Variants in KSR2 observed in about 807,000 individuals in gnomAD.
The protein encoded by KSR2 is kinase suppressor of ras 2.
Under a neutral mutation model 107.8 loss-of-function variants are expected in KSR2, and 25 were observed. That is an observed-to-expected ratio of 0.23 (90% CI 0.17 to 0.32). The LOEUF (loss-of-function observed/expected upper bound fraction) is 0.32. Ranked by LOEUF, KSR2 falls within the 10% of genes least tolerant of loss-of-function variation. The pLI, the probability that KSR2 is intolerant of heterozygous loss-of-function variation, is 1.00. For synonymous variants in KSR2, 480 were observed against 507.0 expected (o/e 0.95, Z 0.71); for missense variants, 887 against 1,268.9 (o/e 0.70, Z 4.57).
At chr12:117,657,014 A>ATC (rs1884213050) in intron 5 of KSR2, among the ~76,000 whole-genome samples, 1 of 114,374 alleles carries the variant, frequency 8.7e-6, no homozygotes, top group Non-Finnish European at 1.8e-5. Context: ...ATATATATAT[A>ATC]TCCTATTAGT....
chr12:117,909,728 C>A lies in KSR2; in HGVS notation c.181-49297G>T, dbSNP rs560300652. ...GACCAGCCTGGCCAACATGGTGGAA[C>A]CCCATCTCTACTAAAAATACAAAAA... On this transcript the variant is annotated intron_variant, in intron 1 of 19. Coordinates refer to ENST00000339824, the MANE Select transcript of KSR2 (RefSeq NM_173598.6). Among the ~76,000 whole-genome samples, 404 of 146,822 alleles carry A rather than the reference C, an allele frequency of 2.8e-3. 1 individual carries two copies. The highest frequency in any genetic ancestry group is 4.8e-3 in the Non-Finnish European group (322 of 67,526).
intron 3 of KSR2, among the ~76,000 whole-genome samples, chr12:117,772,643 CACAT>C (rs1445332663): frequency 6.7e-5 from 10 of 149,990 alleles, no homozygotes; most frequent in South Asian, 4.3e-4. Flanking sequence ...CGCACACACA[CACAT>C]ACACACCATT....
intron 5 of KSR2, among the ~76,000 whole-genome samples, chr12:117,663,372 G>C (rs776414855): frequency 7.2e-5 from 11 of 152,184 alleles, no homozygotes; most frequent in Non-Finnish European, 1.5e-4. Flanking sequence ...ACCTTATAGA[G>C]GATGATGGAG....
chr12:117,548,981 T>A (rs78786944), intron 9 of KSR2, among the ~76,000 whole-genome samples: 379 of 152,296 alleles, frequency 2.5e-3, no homozygotes, highest in Non-Finnish European at 3.8e-3. Context: ...TGAGCCCCAG[T>A]AGAAGGCAGG....
At position 117,812,590 on chromosome 12, in the gene KSR2, C is replaced by G. The variant is rs59609368; in HGVS notation, c.472+42838G>C. ...CTCCATTTCCCAGCATCATCATTTG[C>G]TAGCTAAGAAGAGTCCCCTCTACAA... On this transcript the variant is annotated intron_variant, in intron 3 of 19. Coordinates refer to ENST00000339824, the MANE Select transcript of KSR2 (RefSeq NM_173598.6). 6.4e-3 allele frequency among the ~76,000 whole-genome samples: 971 copies of G among 152,014 alleles called. 21 individuals are homozygous for G. The highest frequency in any genetic ancestry group is 0.022 in the African/African-American group (909 of 41,416).
chr12:117,801,207 C>T (rs543398435), intron 3 of KSR2, among the ~76,000 whole-genome samples: 1 of 152,220 alleles, frequency 6.6e-6, no homozygotes, highest in Admixed American at 6.5e-5. Flanking sequence ...ACCTCCACCT[C>T]CTGGATTCAG....
At chr12:117,756,609 G>T (rs1198902628) in intron 4 of KSR2, among the ~76,000 whole-genome samples, 4 of 152,216 alleles carry the variant, frequency 2.6e-5, no homozygotes, top group Non-Finnish European at 4.4e-5. Flanking sequence ...CAGATTATGT[G>T]ATTTTCATCC....
intron 1 of KSR2, among the ~76,000 whole-genome samples, chr12:117,920,002 C>T (rs1399825847): frequency 6.6e-6 from 1 of 152,156 alleles, no homozygotes; most frequent in African/African-American, 2.4e-5. Flanking sequence ...CAATTATAAA[C>T]ATATATGTAC....
At chr12:117,479,270 T>C (rs1592911782) in intron 16 of KSR2, among the ~76,000 whole-genome samples, 1 of 152,294 alleles carries the variant, frequency 6.6e-6, no homozygotes, top group Admixed American at 6.5e-5. Flanking sequence ...CTTAATTGCA[T>C]TTGGATGGTG....
At chr12:117,492,803 A>G (rs1313073997) in intron 14 of KSR2, among the ~76,000 whole-genome samples, 1 of 152,140 alleles carries the variant, frequency 6.6e-6, no homozygotes, top group Non-Finnish European at 1.5e-5. Context: ...AGGGGGCTGA[A>G]TGGTTGTGAT....
intron 5 of KSR2, among the ~76,000 whole-genome samples, chr12:117,664,574 C>A (rs1884576074): frequency 6.6e-6 from 1 of 152,230 alleles, no homozygotes; most frequent in African/African-American, 2.4e-5. Flanking sequence ...CAAGCCCCAC[C>A]CAGAGTCCCC....
chr12:117,730,166 T>C (rs116343297), intron 4 of KSR2, among the ~76,000 whole-genome samples: 1 of 152,108 alleles, frequency 6.6e-6, no homozygotes, highest in Non-Finnish European at 1.5e-5. Flanking sequence ...AAACAGGTGG[T>C]GGGCAAGATT....
At position 117,947,214 on chromosome 12, in the gene KSR2, AAAGAAAG is replaced by A. The variant is rs199635310; in HGVS notation, c.180+20855_180+20861del. Among the ~76,000 whole-genome samples the A allele has an allele frequency of 6.4e-3, 539 of 84,136 alleles. 6 individuals carry two copies. Among genetic ancestry groups the A allele is most frequent in the East Asian group, 0.014 (45 of 3,210 alleles). 55.2% of individuals were successfully genotyped at this position (84,136 alleles called of 152,430 possible). ...AAGAAAGAAAAGAAAGAAAAGAAAGAAAGAAAGAAAGAAAGAAAGAAAGAAAGAAAGA... is the reference window on the plus strand; with the variant it reads ...AAGAAAGAAAAGAAAGAAAAGAAAGAAAAGAAAGAAAGAAAGAAAGAAAGA... On this transcript the variant is annotated intron_variant, in intron 1 of 19. Transcript: ENST00000339824.
At chr12:117,947,182 GAAAGA>G (rs372189837) in intron 1 of KSR2, among the ~76,000 whole-genome samples, 6,088 of 106,206 alleles carry the variant, frequency 0.057, 258 homozygotes, top group Non-Finnish European at 0.069. Flanking sequence ...AAGAAAGAAA[GAAAGA>G]AAAGAAAGAA....
intron 14 of KSR2, among the ~76,000 whole-genome samples, chr12:117,512,090 T>C (rs1192030444): frequency 6.6e-6 from 1 of 152,216 alleles, no homozygotes; most frequent in Non-Finnish European, 1.5e-5. Flanking sequence ...GGTTGAATTA[T>C]CAAATTACAG....
In KSR2 at chr12:117,696,301, G is replaced by A. The variant is rs1472335401; in HGVS notation, c.987-28643C>T. ...CTGGGTCATAAGAAAAGCAGTGGAC[G>A]GTGAACCCCAAAAGGGAATGAAGCA... On this transcript the variant is annotated intron_variant, in intron 4 of 19. Coordinates refer to ENST00000339824, the MANE Select transcript of KSR2 (RefSeq NM_173598.6). Among the ~76,000 whole-genome samples the A allele has an allele frequency of 8.5e-5, 13 of 152,216 alleles. No homozygotes were observed. The East Asian group carries it at 2.1e-3, about 25-fold the overall frequency.
At chr12:117,611,463 C>CACACACACACACACACACACACAT (rs1555221599) in intron 5 of KSR2, among the ~76,000 whole-genome samples, 48 of 151,992 alleles carry the variant, frequency 3.2e-4, no homozygotes, top group African/African-American at 1.1e-3. Flanking sequence ...CACACACACA[C>CACACACACACACACACACACACAT]GTGTATCCAC....
chr12:117,688,379 A>C (rs1885672719), intron 4 of KSR2, among the ~76,000 whole-genome samples: 1 of 151,820 alleles, frequency 6.6e-6, no homozygotes, highest in African/African-American at 2.4e-5. Flanking sequence ...CTTGTCTCAG[A>C]AAAAAAAAGT....
chr12:117,491,917 A>G (rs1306238392), intron 14 of KSR2, among the ~76,000 whole-genome samples: 1 of 152,254 alleles, frequency 6.6e-6, no homozygotes, highest in African/African-American at 2.4e-5. Context: ...GCCTACGGCA[A>G]TGAAGATTAA....
Sources: gnomAD v4.1 joint callset for allele counts (sites outside exome capture counted in the v4.1 genomes callset) on GRCh38, gnomAD v4.1.1 for gene constraint, MANE v1.5 for transcripts, NCBI Gene and HGNC (gene_info 2026-07-23, HGNC 2026-07-21) for gene names.